Variants in CDC42BPB observed in about 807,000 individuals in gnomAD.
CDC42BPB encodes the protein serine/threonine-protein kinase MRCK beta.
In CDC42BPB, 37 loss-of-function variants were observed where a neutral mutation model predicts 214.9. That is an observed-to-expected ratio of 0.17 (90% CI 0.13 to 0.23). The LOEUF (loss-of-function observed/expected upper bound fraction) is 0.23. Ranked by LOEUF, CDC42BPB falls within the 10% of genes least tolerant of loss-of-function variation. CDC42BPB has a pLI of 1.00. For missense variants in CDC42BPB, 1,694 were observed against 2,227.0 expected (o/e 0.76, Z 4.82); for synonymous variants, 931 against 884.0 (o/e 1.05, Z -0.94).
At chr14:103,039,005 G>A (rs557313186) in intron 1 of CDC42BPB, among the ~76,000 whole-genome samples, 22 of 152,176 alleles carry the variant, frequency 1.4e-4, no homozygotes, top group African/African-American at 4.6e-4. Context: ...ACAACTGTAT[G>A]CCAACAAATT....
At chr14:102,950,787 G>A (rs1892454012) in intron 24 of CDC42BPB, 185 bp from the exon 25 acceptor site, 1 of 566,720 alleles carries the variant, frequency 1.8e-6, no homozygotes, top group Non-Finnish European at 2.2e-6. Flanking sequence ...CCAACATGGT[G>A]AAATCCCGCC....
intron 1 of CDC42BPB, among the ~76,000 whole-genome samples, chr14:103,038,731 G>GGGGGGGGGGT (rs1887817268): frequency 2.1e-5 from 1 of 47,458 alleles, no homozygotes; most frequent in African/African-American, 8.1e-5. Flanking sequence ...GGGGGGGCGG[G>GGGGGGGGGGT]TCTCATTATG....
At chr14:103,031,631 G>A (rs969681488) in intron 1 of CDC42BPB, among the ~76,000 whole-genome samples, 1 of 152,156 alleles carries the variant, frequency 6.6e-6, no homozygotes, top group East Asian at 1.9e-4. Context: ...GATGAGCCTG[G>A]TATTTCTCTA....
Position 102,974,945 on chromosome 14 carries a change from CAAAAAACA to C in CDC42BPB, c.1507+731_1507+738del, listed in dbSNP as rs777086712. Among the ~76,000 whole-genome samples the C allele has an allele frequency of 3.8e-4, 58 of 151,340 alleles. No individual in the cohort carries two copies. The East Asian group carries it at 4.9e-3, about 13-fold the overall frequency. ...TGGGTGACAGAGTGAGACTCCGTCTCAAAAAACAAAAAAACAAAAAAACAAAAACTGAT... is the reference window on the plus strand; with the variant it reads ...TGGGTGACAGAGTGAGACTCCGTCTCAAAAAACAAAAAAACAAAAACTGAT... On this transcript the variant is annotated intron_variant, in intron 11 of 36. Transcript: ENST00000361246.
intron 13 of CDC42BPB, among the ~76,000 whole-genome samples, chr14:102,971,366 T>A (rs947875694): frequency 1.3e-5 from 2 of 152,280 alleles, no homozygotes; most frequent in Non-Finnish European, 2.9e-5. Context: ...TGTTGAGAGC[T>A]GTAGCCTACA....
At chr14:102,978,813 C>G (rs1007207572) in intron 8 of CDC42BPB, among the ~76,000 whole-genome samples, 1 of 152,126 alleles carries the variant, frequency 6.6e-6, no homozygotes, top group African/African-American at 2.4e-5. Flanking sequence ...CAAGATCAGC[C>G]TAGGCCAACA....
At chr14:102,957,165 C>T (rs1892747349) in intron 21 of CDC42BPB, among the ~76,000 whole-genome samples, 1 of 141,696 alleles carries the variant, frequency 7.1e-6, no homozygotes, top group African/African-American at 2.7e-5. Flanking sequence ...TGCACCACTG[C>T]ACTCCAGCCT....
rs998082334 is a variant in CDC42BPB at position 102,944,945 on chromosome 14, C to T, written c.3812-458G>A. Among the ~76,000 whole-genome samples, 14 of 152,196 alleles carry T rather than the reference C, an allele frequency of 9.2e-5. No homozygotes were observed. The highest frequency in any genetic ancestry group is 1.8e-4 in the Non-Finnish European group (12 of 68,020). On this transcript the variant is annotated intron_variant, in intron 29 of 36. Coordinates refer to ENST00000361246, the MANE Select transcript of CDC42BPB (RefSeq NM_006035.4). The surrounding 1 kb of genome is among the most constrained non-coding windows in gnomAD (Gnocchi z 6.6). ...GACCCTGAGACAAATCCTCTGAAGA[C>T]GCTGCCCTCACAGGGCCCCCAGTGA... is the stretch of plus-strand genomic sequence containing the variant.
chr14:102,970,363 GCTCTGCGC>G (rs751914965), intron 13 of CDC42BPB, 102 bp from the exon 14 acceptor site: 567 of 1,479,776 alleles, frequency 3.8e-4, no homozygotes, highest in Non-Finnish European at 4.9e-4. Flanking sequence ...CCTCGAAGGA[GCTCTGCGC>G]GTGTTCACCC....
chr14:102,967,450 A>G (rs191394029), intron 16 of CDC42BPB: 26 of 647,484 alleles, frequency 4.0e-5, no homozygotes, highest in Non-Finnish European at 4.2e-5. Flanking sequence ...GACCAAACAC[A>G]TGACTCCATT....
chr14:102,969,699 G>A (rs1328602602), intron 14 of CDC42BPB, among the ~76,000 whole-genome samples: 4 of 152,176 alleles, frequency 2.6e-5, no homozygotes, highest in Admixed American at 6.5e-5. Flanking sequence ...CCCGCCCTCC[G>A]CGGCCTCCCT....
chr14:103,035,787 C>T (rs189279107), intron 1 of CDC42BPB, among the ~76,000 whole-genome samples: 44 of 151,934 alleles, frequency 2.9e-4, no homozygotes, highest in Admixed American at 1.2e-3. Context: ...TTGCAGTGAG[C>T]GGAGATCACG....
intron 34 of CDC42BPB, 85 bp from the exon 35 acceptor site, chr14:102,938,496 T>G: frequency 1.4e-6 from 2 of 1,480,508 alleles, no homozygotes; most frequent in Non-Finnish European, 1.8e-6. Flanking sequence ...ACGGTGGCTG[T>G]GGCCTCGTGA....
rs35637224 is a variant in CDC42BPB, at chr14:102,987,055, G to A, written c.597-475C>T. On this transcript the variant is annotated intron_variant, in intron 5 of 36. Coordinates refer to ENST00000361246, the MANE Select transcript of CDC42BPB (RefSeq NM_006035.4). Reference sequence around the variant, plus strand: ...ATGGGACAAAGGGACAGAGGGACACGTGTGGAGGAAGCTGGCTGGGGGCTG... The same window carrying A: ...ATGGGACAAAGGGACAGAGGGACACATGTGGAGGAAGCTGGCTGGGGGCTG... Among the ~76,000 whole-genome samples the A allele has an allele frequency of 3.0e-3, 453 of 152,352 alleles. 4 individuals are homozygous for A. Among genetic ancestry groups the A allele is most frequent in the African/African-American group, 0.01 (436 of 41,584 alleles).
At chr14:102,967,240 G>T in intron 16 of CDC42BPB, 70 bp from the exon 17 acceptor site, 2 of 1,526,814 alleles carry the variant, frequency 1.3e-6, no homozygotes, top group South Asian at 1.3e-5. Context: ...ATTTAACACT[G>T]GAAGTTCTTT....
At chr14:102,934,823 C>A (rs954160703) in intron 36 of CDC42BPB, among the ~76,000 whole-genome samples, 1 of 151,800 alleles carries the variant, frequency 6.6e-6, no homozygotes, top group Non-Finnish European at 1.5e-5. Flanking sequence ...CATCCTAACA[C>A]AGTGAAACCC....
chr14:102,969,700 C>T (rs184467343), intron 14 of CDC42BPB, among the ~76,000 whole-genome samples: 15 of 152,366 alleles, frequency 9.8e-5, no homozygotes, highest in Admixed American at 2.0e-4. Flanking sequence ...CCGCCCTCCG[C>T]GGCCTCCCTG....
chr14:102,940,393 G>T, intron 30 of CDC42BPB, 69 bp from the exon 31 acceptor site: 2 of 1,544,564 alleles, frequency 1.3e-6, no homozygotes. Flanking sequence ...CGGGCCGGAG[G>T]CCAAGCCTTG....
intron 19 of CDC42BPB, among the ~76,000 whole-genome samples, chr14:102,964,238 C>G (rs376071043): frequency 6.6e-6 from 1 of 152,236 alleles, no homozygotes; most frequent in Non-Finnish European, 1.5e-5. Flanking sequence ...CACAAGCACC[C>G]GCTGCCGTCA....
Sources: gnomAD v4.1 joint callset for allele counts (sites outside exome capture counted in the v4.1 genomes callset) on GRCh38, gnomAD v4.1.1 for gene constraint, Gnocchi (gnomAD v3.1) non-coding constraint, MANE v1.5 for transcripts, NCBI Gene and HGNC (gene_info 2026-07-23, HGNC 2026-07-21) for gene names.